The following LSS variants were observed in gnomAD, a reference collection of about 807,000 sequenced individuals.
The protein encoded by LSS is lanosterol synthase.
Under a neutral mutation model 110.3 loss-of-function variants are expected in LSS, and 90 were observed. The ratio of observed to expected loss-of-function variants is 0.82; its 90% CI spans 0.69 to 0.97. LSS has a LOEUF of 0.97. Ranked by LOEUF, LSS falls within the 50% of genes least tolerant of loss-of-function variation. LSS has a pLI of 0.00. For missense variants in LSS, 927 were observed against 990.0 expected (o/e 0.94, Z 0.85); for synonymous variants, 433 against 400.0 (o/e 1.08, Z -0.98).
chr21:46,208,255 C>T lies in LSS; in HGVS notation c.1313G>A (p.Arg438His), dbSNP rs138907803. 28 of 1,552,218 alleles carry T rather than the reference C, an allele frequency of 1.8e-5. No homozygotes were observed. The highest frequency in any genetic ancestry group is 1.2e-4 in the East Asian group (5 of 40,938). Residue 438 changes from arginine (R) to histidine (H), a missense_variant, in exon 14 of 22, where the codon CGC (arginine) becomes CAC (histidine). Transcript: ENST00000397728. Reference sequence around the variant, plus strand: ...ATGGGGCTGGCTCCCGCATACCTTGCGCATCTGGCGGTAGTACTTCTGGTA... The same window carrying T: ...ATGGGGCTGGCTCCCGCATACCTTGTGCATCTGGCGGTAGTACTTCTGGTA... Reference protein sequence around the residue: ...PDYQKYYRQMRKGGFSFSTLD... With the variant: ...PDYQKYYRQMHKGGFSFSTLD...
At chr21:46,193,779 T>C (rs983840110) in intron 20 of LSS, 1 of 404,436 alleles carries the variant, frequency 2.5e-6, no homozygotes, top group South Asian at 1.8e-5. Context: ...TGTACCTACG[T>C]CTGTGTGTGG....
rs1282952966 is a variant in LSS, at chr21:46,216,239, G to A, written c.783+150C>T. 4.3e-6 allele frequency: 4 copies of A among 929,738 alleles called. No individual in the cohort carries two copies. The highest frequency in any genetic ancestry group is 6.7e-6 in the Non-Finnish European group (4 of 599,216). 57.6% of individuals were successfully genotyped at this position (929,738 alleles called of 1,614,324 possible). A position where few individuals can be genotyped will look rare whatever the true frequency, so the allele number is the denominator to read the frequency against. ...AGAGCTTGCTCACTGTTTATTATAG[G>A]ATGGAGGAAGGTGGAGGCTCTGCTC... On this transcript the variant is annotated intron_variant, in intron 7 of 21. Coordinates refer to ENST00000397728, the MANE Select transcript of LSS (RefSeq NM_002340.6). This position sits in a 1 kb window ranked among gnomAD's most constrained non-coding sequence, Gnocchi z 4.2.
In LSS at chr21:46,222,694, CG is replaced by C; in HGVS notation, c.363del (p.Gly122AspfsTer79). On this transcript the variant is annotated frameshift_variant, in exon 4 of 22. Coordinates refer to ENST00000397728, the MANE Select transcript of LSS (RefSeq NM_002340.6). LOFTEE classifies it high-confidence loss of function. ...TCHVARIPLP[A>X]GYREEIVRYL... ...TACCGCACAATCTCTTCTCTGTATC[CG>C]GCTGGCAGAGGGATGCGTGCCACGT... The C allele has an allele frequency of 6.2e-7, 1 of 1,613,944 alleles. No homozygotes were observed. Among genetic ancestry groups the C allele is most frequent in the Non-Finnish European group, 8.5e-7 (1 of 1,180,028 alleles).
chr21:46,192,557 T>TGC (rs1569014779), intron 20 of LSS: 6 of 437,174 alleles, frequency 1.4e-5, no homozygotes, highest in East Asian at 7.2e-5. Context: ...TGTACATGTG[T>TGC]GCATAGACCT....
intron 6 of LSS, among the ~76,000 whole-genome samples, 192 bp downstream of exon 6, chr21:46,219,284 G>T (rs933290335): frequency 6.6e-6 from 1 of 152,068 alleles, no homozygotes; most frequent in African/African-American, 2.4e-5. Context: ...TGCTCAATTG[G>T]GAACCTCCCC....
intron 4 of LSS, chr21:46,222,202 T>A (rs545556401): frequency 5.2e-6 from 3 of 578,832 alleles, no homozygotes; most frequent in East Asian, 5.8e-5. Context: ...ACCCGCCTGC[T>A]CTACACCTTC....
Position 46,213,733 on chromosome 21 carries a change from C to A in LSS, c.1109+5G>T, listed in dbSNP as rs1309317375. The A allele has an allele frequency of 1.9e-6, 3 of 1,612,658 alleles. No individual in the cohort carries two copies. In the Admixed American group the frequency reaches 5.0e-5, roughly 27 times the overall value. ...GCCCCGCCAGCATATCCCAGCCACA[C>A]TCACCAGAGATAGTCCGGGATTCTG... On this transcript the variant is annotated splice_donor_5th_base_variant and intron_variant, in intron 10 of 21. Coordinates refer to ENST00000397728, the MANE Select transcript of LSS (RefSeq NM_002340.6).
chr21:46,227,575 C>T lies in LSS; in HGVS notation c.296G>A (p.Gly99Asp). Residue 99 changes from glycine to aspartate, a missense_variant, in exon 3 of 22, where the codon GGT (glycine) becomes GAT (aspartate). By Grantham distance (94) the Gly-to-Asp change is moderately conservative. Coordinates refer to ENST00000397728, the MANE Select transcript of LSS (RefSeq NM_002340.6). ...ACCTGGCAGGAGGAAAAGTGGGCCACCATAATCACCCGTCCAGTGCCCATC... is the reference window on the plus strand; with the variant it reads ...ACCTGGCAGGAGGAAAAGTGGGCCATCATAATCACCCGTCCAGTGCCCATC... ...AEDGHWTGDY[G>D]GPLFLLPGLL... 1 of 1,614,024 alleles carries T rather than the reference C, an allele frequency of 6.2e-7. No individual in the cohort carries two copies. Among genetic ancestry groups the T allele is most frequent in the Non-Finnish European group, 8.5e-7 (1 of 1,180,016 alleles).
chr21:46,209,430 T>C lies in LSS; in HGVS notation c.1266+124A>G. Reference sequence around the variant, plus strand: ...TAGGGAGGGGATGGGAGGGTGGGGGTGACCTGAAACACCAGTGCAGGAAAT... The same window carrying C: ...TAGGGAGGGGATGGGAGGGTGGGGGCGACCTGAAACACCAGTGCAGGAAAT... On this transcript the variant is annotated intron_variant, in intron 13 of 21. Coordinates refer to ENST00000397728, the MANE Select transcript of LSS (RefSeq NM_002340.6). The surrounding 1 kb of genome is among the most constrained non-coding windows in gnomAD (Gnocchi z 4.4). The C allele has an allele frequency of 2.4e-6, 2 of 838,136 alleles. No homozygotes were observed. The highest frequency in any genetic ancestry group is 3.6e-5 in the South Asian group (2 of 55,074). 51.9% of individuals were successfully genotyped at this position (838,136 alleles called of 1,614,324 possible). A position where few individuals can be genotyped will look rare whatever the true frequency, so the allele number is the denominator to read the frequency against.
At chr21:46,221,379 C>T (rs1187500348) in intron 5 of LSS, among the ~76,000 whole-genome samples, 1 of 151,994 alleles carries the variant, frequency 6.6e-6, no homozygotes, top group African/African-American at 2.4e-5. Flanking sequence ...TTATTAGAGA[C>T]AGGGTCGCAC....
chr21:46,221,331 C>G (rs2080277162), intron 5 of LSS, among the ~76,000 whole-genome samples: 1 of 146,436 alleles, frequency 6.8e-6, no homozygotes, highest in Non-Finnish European at 1.5e-5. Flanking sequence ...AGGAAACAAA[C>G]AGAATTACCT....
rs1292291672 is a variant in LSS at position 46,188,754 on chromosome 21, T to C, written c.*2350A>G. 1.1e-5 allele frequency: 5 copies of C among 471,122 alleles called. No individual in the cohort carries two copies. The highest frequency in any genetic ancestry group is 2.2e-5 in the Non-Finnish European group (5 of 227,114). 29.2% of individuals were successfully genotyped at this position (471,122 alleles called of 1,614,324 possible). Reference sequence around the variant, plus strand: ...AGACTGAAGGCAGGGATACTGACACTGAAGTCCTGCCTGTGTAATAACACC... The same window carrying C: ...AGACTGAAGGCAGGGATACTGACACCGAAGTCCTGCCTGTGTAATAACACC... On this transcript the variant is annotated 3_prime_UTR_variant, in exon 22 of 22. Transcript: ENST00000397728.
chr21:46,211,332 T>C (rs2080130481), intron 11 of LSS, among the ~76,000 whole-genome samples: 1 of 152,160 alleles, frequency 6.6e-6, no homozygotes, highest in Non-Finnish European at 1.5e-5. Context: ...GGTTTCACCA[T>C]GTTAGCCAGG....
chr21:46,219,576 A>AG lies in LSS; in HGVS notation c.551-5dup, dbSNP rs762212738. The AG allele has an allele frequency of 1.3e-6, 2 of 1,578,812 alleles. No individual in the cohort carries two copies. The highest frequency in any genetic ancestry group is 1.7e-6 in the Non-Finnish European group (2 of 1,160,674). ...GAGGGGATGGCCACAGCACCACCTG[A>AG]GCGGGGAGAGAATAGGCCCACGTCA... On this transcript the variant is annotated splice_polypyrimidine_tract_variant and splice_region_variant and intron_variant, in intron 5 of 21. Transcript: ENST00000397728.
intron 20 of LSS, chr21:46,192,864 T>C: frequency 2.2e-6 from 1 of 449,692 alleles, no homozygotes; most frequent in Non-Finnish European, 4.4e-6. Flanking sequence ...TGCGGGTGCA[T>C]CTGCATATGT....
At chr21:46,222,448 C>G in intron 4 of LSS, 182 bp downstream of exon 4, 2 of 588,640 alleles carry the variant, frequency 3.4e-6, no homozygotes, top group Non-Finnish European at 6.0e-6. Flanking sequence ...GATGTGAAGC[C>G]GAGGCCCCAC....
In LSS at chr21:46,188,477, G is replaced by A; in HGVS notation, c.*2627C>T. 6.4e-6 allele frequency: 2 copies of A among 311,578 alleles called. No individual in the cohort carries two copies. The highest frequency in any genetic ancestry group is 4.1e-5 in the Admixed American group (1 of 24,626). The allele number at this position is 311,578 out of a possible 1,614,324, so 19.3% of individuals were successfully genotyped here. A position where few individuals can be genotyped will look rare whatever the true frequency, so the allele number is the denominator to read the frequency against. ...ATGACTGATTTTTAATCACACTGAG[G>A]CAAATATCCCCCTCAGACAGAGGCT... On this transcript the variant is annotated 3_prime_UTR_variant, in exon 22 of 22. Transcript: ENST00000397728.
At chr21:46,222,301 C>A in intron 4 of LSS, 1 of 526,858 alleles carries the variant, frequency 1.9e-6, no homozygotes, top group East Asian at 3.3e-5. Flanking sequence ...GGCAGGAAAG[C>A]TGTCAGGCCT....
chr21:46,222,011 T>G, intron 4 of LSS, 36 bp from the exon 5 acceptor site: 1 of 1,604,228 alleles, frequency 6.2e-7, no homozygotes. Flanking sequence ...AACCGGTATC[T>G]GTCCTTACTT....
Sources: gnomAD v4.1 joint callset for allele counts (sites outside exome capture counted in the v4.1 genomes callset) on GRCh38, gnomAD v4.1.1 for gene constraint, Gnocchi (gnomAD v3.1) non-coding constraint, MANE v1.5 for transcripts, NCBI Gene and HGNC (gene_info 2026-07-23, HGNC 2026-07-21) for gene names.